Variants in PLEKHM1 observed in about 807,000 individuals in gnomAD.
PLEKHM1 encodes the protein pleckstrin homology and RUN domain containing M1.
A neutral mutation model predicts 94.3 loss-of-function variants in PLEKHM1; 28 were observed. The ratio of observed to expected loss-of-function variants is 0.30; its 90% CI spans 0.22 to 0.41. The LOEUF is 0.41. Ranked by LOEUF, PLEKHM1 falls within the 10% of genes least tolerant of loss-of-function variation. The pLI, the probability that PLEKHM1 is intolerant of heterozygous loss-of-function variation, is 1.00. For synonymous variants in PLEKHM1, 424 were observed against 581.2 expected (o/e 0.73, Z 3.89); for missense variants, 907 against 1,358.6 (o/e 0.67, Z 5.22).
At chr17:45,474,248 G>T (rs1355739341) in intron 4 of PLEKHM1, among the ~76,000 whole-genome samples, 1 of 151,850 alleles carries the variant, frequency 6.6e-6, no homozygotes, top group East Asian at 1.9e-4. Context: ...TAGTAGAGAC[G>T]GGGTTTCACC....
At chr17:45,483,346 A>G (rs1326324717) in intron 1 of PLEKHM1, among the ~76,000 whole-genome samples, 2 of 151,338 alleles carry the variant, frequency 1.3e-5, no homozygotes, top group Non-Finnish European at 2.9e-5. Flanking sequence ...CACCTAAATG[A>G]GTATGCAGGA....
intron 4 of PLEKHM1, among the ~76,000 whole-genome samples, chr17:45,473,563 AT>A (rs67210907): frequency 0.13 from 19,541 of 147,060 alleles, 1,519 homozygotes; most frequent in Middle Eastern, 0.22. Context: ...AAAATCTTTT[AT>A]TTTTTTTTTT....
At chr17:45,479,998 T>C (rs1286030713) in intron 2 of PLEKHM1, among the ~76,000 whole-genome samples, 1 of 152,242 alleles carries the variant, frequency 6.6e-6, no homozygotes, top group Non-Finnish European at 1.5e-5. Flanking sequence ...GGCTACATAT[T>C]TTAATCTTTT....
intron 3 of PLEKHM1, 108 bp downstream of exon 3, chr17:45,477,792 G>A: frequency 1.5e-6 from 2 of 1,313,106 alleles, no homozygotes; most frequent in African/African-American, 1.4e-5. Context: ...CTCTATGCTA[G>A]AACACAGGGC....
At chr17:45,439,696 A>T (rs1465337909) in intron 10 of PLEKHM1, 62 bp from the exon 11 acceptor site, 1 of 1,605,642 alleles carries the variant, frequency 6.2e-7, no homozygotes, top group South Asian at 1.1e-5. Context: ...GGGCTGGTAA[A>T]CTGAGGCCCC....
intron 6 of PLEKHM1, among the ~76,000 whole-genome samples, chr17:45,457,190 AAAAG>A (rs1194269107): frequency 1.3e-5 from 2 of 151,598 alleles, no homozygotes; most frequent in African/African-American, 4.8e-5. Flanking sequence ...AAAAAAAAAA[AAAAG>A]AAGCACTGGA....
In PLEKHM1 at chr17:45,453,011, AC is replaced by A; in HGVS notation, c.2497+343del. 2.0e-6 allele frequency: 1 copy of A among 501,142 alleles called. No individual in the cohort carries two copies. Among genetic ancestry groups the A allele is most frequent in the Non-Finnish European group, 3.6e-6 (1 of 275,470 alleles). The allele number at this position is 501,142 out of a possible 1,614,324, so 31.0% of individuals were successfully genotyped here. ...AAGCAGCAGAAATATTTGGAAGGAA[AC>A]CATGCCCCTGCTCTGAAAGAACAGG... On this transcript the variant is annotated intron_variant, in intron 7 of 11. Coordinates refer to ENST00000430334, the MANE Select transcript of PLEKHM1 (RefSeq NM_014798.3). This position sits in a 1 kb window ranked among gnomAD's most constrained non-coding sequence, Gnocchi z 4.1.
At position 45,437,300 on chromosome 17, in the gene PLEKHM1, A is replaced by T; in HGVS notation, c.*558T>A. ...GGAAAGGCACTGGGTGGGCCCATAG[A>T]CCCTGTCCCAGCAGTGGCCTGCCCA... is the stretch of plus-strand genomic sequence containing the variant. On this transcript the variant is annotated 3_prime_UTR_variant, in exon 12 of 12. Coordinates refer to ENST00000430334, the MANE Select transcript of PLEKHM1 (RefSeq NM_014798.3). The surrounding 1 kb of genome is among the most constrained non-coding windows in gnomAD (Gnocchi z 4.0). The T allele has an allele frequency of 2.2e-6, 1 of 454,046 alleles. No individual in the cohort carries two copies. The highest frequency in any genetic ancestry group is 4.4e-6 in the Non-Finnish European group (1 of 226,790). The allele number at this position is 454,046 out of a possible 1,614,324, so 28.1% of individuals were successfully genotyped here.
intron 5 of PLEKHM1, among the ~76,000 whole-genome samples, chr17:45,466,305 A>T (rs1471779476): frequency 6.6e-6 from 1 of 152,222 alleles, no homozygotes; most frequent in African/African-American, 2.4e-5. Flanking sequence ...CTTCTAGAAG[A>T]TAATATAGGC....
At chr17:45,476,057 G>T (rs2051721497) in intron 3 of PLEKHM1, 2 of 378,248 alleles carry the variant, frequency 5.3e-6, no homozygotes, top group Non-Finnish European at 1.0e-5. Flanking sequence ...AGGTTGAGGT[G>T]GAAGGATAGC....
chr17:45,439,395 C>G, intron 11 of PLEKHM1, 82 bp downstream of exon 11: 2 of 1,496,994 alleles, frequency 1.3e-6, no homozygotes, highest in South Asian at 1.1e-5. Context: ...AGAGCGAAGC[C>G]TGCTGCCCTG....
chr17:45,460,779 G>A (rs1200079044), intron 5 of PLEKHM1, among the ~76,000 whole-genome samples: 4 of 152,194 alleles, frequency 2.6e-5, no homozygotes, highest in Non-Finnish European at 5.9e-5. Flanking sequence ...GGCTGGTCTT[G>A]CACTCCTGGA....
chr17:45,448,226 A>T (rs1430291061), intron 8 of PLEKHM1: 1 of 152,222 alleles, frequency 6.6e-6, no homozygotes, highest in African/African-American at 2.4e-5. Context: ...GGTTCTTTGC[A>T]TTTTTGGTGA....
intron 4 of PLEKHM1, among the ~76,000 whole-genome samples, chr17:45,470,651 T>C (rs951195933): frequency 1.3e-5 from 2 of 150,788 alleles, no homozygotes; most frequent in African/African-American, 4.9e-5. Flanking sequence ...TAAAAAACGT[T>C]TGTGTGGTTT....
At chr17:45,465,194 T>A (rs2051283236) in intron 5 of PLEKHM1, among the ~76,000 whole-genome samples, 1 of 151,758 alleles carries the variant, frequency 6.6e-6, no homozygotes, top group Admixed American at 6.6e-5. Flanking sequence ...GTGCTCTGTA[T>A]CATAGAGCTA....
At chr17:45,446,903 T>C (rs1032760270) in intron 8 of PLEKHM1, among the ~76,000 whole-genome samples, 1 of 152,136 alleles carries the variant, frequency 6.6e-6, no homozygotes, top group African/African-American at 2.4e-5. Flanking sequence ...ATCTGTAAAA[T>C]GGGGAAAATG....
intron 1 of PLEKHM1, among the ~76,000 whole-genome samples, chr17:45,484,221 C>A (rs1332942588): frequency 6.6e-6 from 1 of 152,232 alleles, no homozygotes; most frequent in Non-Finnish European, 1.5e-5. Context: ...AATGGCCCTG[C>A]AAAGCCATCT....
intron 2 of PLEKHM1, among the ~76,000 whole-genome samples, chr17:45,480,541 C>T (rs946442213): frequency 2.6e-5 from 4 of 152,094 alleles, no homozygotes; most frequent in Non-Finnish European, 2.9e-5. Flanking sequence ...TTTTCATCAC[C>T]CCAAAAAGAA....
At position 45,437,839 on chromosome 17, in the gene PLEKHM1, C is replaced by A. The variant is rs200145593; in HGVS notation, c.*19G>T. ...CCACACTCACCCCCGGCTTTCAGAG[C>A]GGGGTCAGCAGATGGGCATCAGGCG... On this transcript the variant is annotated 3_prime_UTR_variant, in exon 12 of 12. Transcript: ENST00000430334. The surrounding 1 kb of genome is among the most constrained non-coding windows in gnomAD (Gnocchi z 4.0). The A allele has an allele frequency of 2.3e-5, 36 of 1,591,592 alleles. No homozygotes were observed. In the East Asian group the frequency reaches 8.0e-4, roughly 36 times the overall value.
Sources: allele counts gnomAD v4.1 joint callset (sites outside exome capture counted in the v4.1 genomes callset), GRCh38; gene constraint gnomAD v4.1.1; non-coding constraint Gnocchi (gnomAD v3.1); transcripts MANE v1.5; gene names NCBI Gene and HGNC (gene_info 2026-07-23, HGNC 2026-07-21).